FBXO40: variants seen among roughly 807,000 people sequenced by gnomAD.
FBXO40 encodes F-box only protein 40.
A neutral mutation model predicts 49.9 loss-of-function variants in FBXO40; 50 were observed. The observed-to-expected ratio is 1.00, with a 90% confidence interval of 0.80 to 1.27. The LOEUF (loss-of-function observed/expected upper bound fraction) is 1.27. Among genes scored for constraint, FBXO40 ranks in the 50% most tolerant of loss-of-function variants. FBXO40 has a pLI of 0.00. For missense variants in FBXO40, 895 were observed against 870.1 expected, an observed-to-expected ratio of 1.03 and a Z score of -0.36; for synonymous variants, 340 against 320.2, an observed-to-expected ratio of 1.06 and a Z score of -0.66.
Position 121,627,559 on chromosome 3 carries a change from CTG to C in FBXO40, c.*651_*652del, listed in dbSNP as rs2049069335. The C allele has an allele frequency of 6.8e-6, 2 of 294,816 alleles. No homozygotes were observed. 18.3% of individuals were successfully genotyped at this position (294,816 alleles called of 1,614,324 possible). A position where few individuals can be genotyped will look rare whatever the true frequency, so the allele number is the denominator to read the frequency against. On this transcript the variant is annotated 3_prime_UTR_variant, in exon 4 of 4. Transcript: ENST00000338040. ...AGGGGCAGAAATGGGATCACAGAGT[CTG>C]TTGCTAGAATCTTGGCAACATACAG...
At chr3:121,612,903 A>G (rs1264631196) in intron 1 of FBXO40, among the ~76,000 whole-genome samples, 2 of 151,982 alleles carry the variant, frequency 1.3e-5, no homozygotes, top group African/African-American at 4.8e-5. Flanking sequence ...CCCCGTCTCT[A>G]CTAAAAATAC....
intron 2 of FBXO40, 80 bp from the exon 3 acceptor site, chr3:121,621,353 T>C (rs2049028391): frequency 7.7e-7 from 1 of 1,304,004 alleles, no homozygotes; most frequent in East Asian, 2.3e-5. Context: ...AATATGTCAA[T>C]TAAAACACAG....
chr3:121,620,680 G>A (rs1300749606), intron 2 of FBXO40, 102 bp downstream of exon 2: 4 of 1,435,112 alleles, frequency 2.8e-6, no homozygotes, highest in Non-Finnish European at 3.9e-6. Context: ...CTTATGGTTT[G>A]ATGATATTTA....
Position 121,618,757 on chromosome 3 carries a change from G to A in FBXO40, c.-30-1789G>A, listed in dbSNP as rs530130113. Among the ~76,000 whole-genome samples the A allele has an allele frequency of 2.2e-4, 33 of 151,950 alleles. 1 individual carries two copies. Among genetic ancestry groups the A allele is most frequent in the Non-Finnish European group, 3.5e-4 (24 of 67,950 alleles). Reference sequence around the variant, plus strand: ...TGTGTGTGTGTATGTGTGTGTGTGCGTGTGTGGTTGGAGGGCAGGGAGAGA... The same window carrying A: ...TGTGTGTGTGTATGTGTGTGTGTGCATGTGTGGTTGGAGGGCAGGGAGAGA... On this transcript the variant is annotated intron_variant, in intron 1 of 3. Transcript: ENST00000338040.
intron 1 of FBXO40, among the ~76,000 whole-genome samples, chr3:121,602,916 G>A (rs1236962648): frequency 6.6e-6 from 1 of 152,082 alleles, no homozygotes; most frequent in Non-Finnish European, 1.5e-5. Context: ...CTCCATCACA[G>A]TCCATTTTTG....
At chr3:121,599,674 GCACA>G (rs757324448) in intron 1 of FBXO40, among the ~76,000 whole-genome samples, 22,361 of 99,164 alleles carry the variant, frequency 0.23, 2,788 homozygotes, top group Admixed American at 0.38. Context: ...ACACACACAT[GCACA>G]CACACACACA....
chr3:121,621,365 C>A, intron 2 of FBXO40, 68 bp from the exon 3 acceptor site: 2 of 1,379,708 alleles, frequency 1.4e-6, no homozygotes, highest in Non-Finnish European at 2.0e-6. Context: ...AAAACACAGT[C>A]ATAGACATGC....
At chr3:121,624,225 G>T (rs998310508) in intron 3 of FBXO40, among the ~76,000 whole-genome samples, 3 of 151,844 alleles carry the variant, frequency 2.0e-5, no homozygotes, top group Non-Finnish European at 4.4e-5. Context: ...CCCAACCTCA[G>T]GTGATCCACC....
chr3:121,604,744 T>A (rs2048922174), intron 1 of FBXO40, among the ~76,000 whole-genome samples: 1 of 152,174 alleles, frequency 6.6e-6, no homozygotes, highest in African/African-American at 2.4e-5. Flanking sequence ...ATATAATACA[T>A]TTCAGCATTT....
Position 121,627,191 on chromosome 3 carries a change from T to C in FBXO40, c.*281T>C. 5.0e-6 allele frequency: 2 copies of C among 396,274 alleles called. No individual in the cohort carries two copies. Among genetic ancestry groups the C allele is most frequent in the Non-Finnish European group, 9.2e-6 (2 of 216,662 alleles). 24.5% of individuals were successfully genotyped at this position (396,274 alleles called of 1,614,324 possible). ...AAAATAGATTGGTCTGAGAAGAAAA[T>C]AAGTAATTTGAGGCCATTTGGAAGA... On this transcript the variant is annotated 3_prime_UTR_variant, in exon 4 of 4. Transcript: ENST00000338040.
Position 121,623,005 on chromosome 3 carries a change from C to T in FBXO40, c.1576C>T (p.Arg526Cys), listed in dbSNP as rs200075101. 32 of 1,614,104 alleles carry T rather than the reference C, an allele frequency of 2.0e-5. No individual in the cohort carries two copies. In the Admixed American group the frequency reaches 2.2e-4, roughly 11 times the overall value. Residue 526 changes from arginine to cysteine, a missense_variant, in exon 3 of 4, where the codon CGT becomes TGT. Arg to Cys is a radical substitution (Grantham distance 180, BLOSUM62 -3). Coordinates refer to ENST00000338040, the MANE Select transcript of FBXO40 (RefSeq NM_016298.4). The stretch of plus-strand genomic sequence containing the variant: ...ATGTACATTTGTTCAAAACCATTTC[C>T]GTCCCCCAGGGCAAAAGGCAAAAGT... ...LGCTFVQNHF[R>C]PPGQKAKVIY... is the part of the protein sequence containing the mutation.
chr3:121,608,888 T>C (rs1302009280), intron 1 of FBXO40, among the ~76,000 whole-genome samples: 1 of 152,148 alleles, frequency 6.6e-6, no homozygotes, highest in Non-Finnish European at 1.5e-5. Context: ...AAAGGAAAAA[T>C]GGCTTATCCA....
intron 1 of FBXO40, among the ~76,000 whole-genome samples, chr3:121,594,053 A>G (rs560237937): frequency 1.3e-5 from 2 of 152,150 alleles, no homozygotes; most frequent in Admixed American, 1.3e-4. Context: ...TTTTTAGTAG[A>G]GACAGAGTTT....
chr3:121,605,015 G>A (rs1312145231), intron 1 of FBXO40, among the ~76,000 whole-genome samples: 3 of 151,530 alleles, frequency 2.0e-5, no homozygotes, highest in South Asian at 2.1e-4. Context: ...CTCTGTTGCC[G>A]AGGCTGGAGT....
At chr3:121,618,453 C>T (rs1034027331) in intron 1 of FBXO40, among the ~76,000 whole-genome samples, 1 of 136,242 alleles carries the variant, frequency 7.3e-6, no homozygotes, top group African/African-American at 2.8e-5. Flanking sequence ...GTGGCGTGAT[C>T]TCGATTCACT....
chr3:121,624,969 T>G (rs940041905), intron 3 of FBXO40, among the ~76,000 whole-genome samples: 2 of 152,202 alleles, frequency 1.3e-5, no homozygotes, highest in African/African-American at 4.8e-5. Flanking sequence ...ACAAATCTCC[T>G]CAGTCCCAAG....
intron 1 of FBXO40, among the ~76,000 whole-genome samples, chr3:121,610,525 A>T (rs12491882): frequency 6.6e-6 from 1 of 151,958 alleles, no homozygotes; most frequent in Non-Finnish European, 1.5e-5. Flanking sequence ...CATCCTTTCC[A>T]TGAGTAATTT....
At position 121,622,201 on chromosome 3, in the gene FBXO40, G is replaced by C. The variant is rs1156581614; in HGVS notation, c.772G>C (p.Val258Leu). 6.2e-7 allele frequency: 1 copy of C among 1,614,082 alleles called. No individual in the cohort carries two copies. Among genetic ancestry groups the C allele is most frequent in the South Asian group, 1.1e-5 (1 of 91,058 alleles). ...ACAGATTTCCAGTGGCCATAACATG[G>C]TAGAAGGAGAGGGCGCTCCCAAAAA... ...KEQISSGHNM[V>L]EGEGAPKKKE... The change falls in exon 3 of 4, where the codon GTA becomes CTA. Residue 258 changes from valine (V) to leucine (L), a missense_variant. Physicochemically the swap from Val to Leu is conservative, Grantham distance 32. Transcript: ENST00000338040.
chr3:121,598,275 G>C (rs2048882876), intron 1 of FBXO40, among the ~76,000 whole-genome samples: 2 of 152,232 alleles, frequency 1.3e-5, no homozygotes, highest in South Asian at 4.1e-4. Flanking sequence ...GAGAGCTCAT[G>C]CATGGCCTCA....
Sources: allele counts gnomAD v4.1 joint callset (sites outside exome capture counted in the v4.1 genomes callset), GRCh38; gene constraint gnomAD v4.1.1; transcripts MANE v1.5; gene names NCBI Gene and HGNC (gene_info 2026-07-23, HGNC 2026-07-21).